The following SORBS2 variants were observed in gnomAD, a reference collection of about 807,000 sequenced individuals.
The protein encoded by SORBS2 is sorbin and SH3 domain-containing protein 2.
In SORBS2, 46 loss-of-function variants were observed where a neutral mutation model predicts 97.7. The observed-to-expected ratio is 0.47, with a 90% confidence interval of 0.37 to 0.60. The LOEUF (loss-of-function observed/expected upper bound fraction) is 0.60. Among genes scored for constraint, SORBS2 ranks in the 20% least tolerant of loss-of-function variants. The pLI is 0.00. For missense variants in SORBS2, 1,316 were observed against 1,282.3 expected, an observed-to-expected ratio of 1.03 and a Z score of -0.40; for synonymous variants, 476 against 473.4, an observed-to-expected ratio of 1.01 and a Z score of -0.07.
At chr4:185,695,162 T>C (rs539977553) in intron 2 of SORBS2, among the ~76,000 whole-genome samples, 1 of 152,316 alleles carries the variant, frequency 6.6e-6, no homozygotes, top group African/African-American at 2.4e-5. Context: ...AACATGCCTT[T>C]GTGCCTGTTG....
At chr4:185,767,914 C>T (rs1161596625) in intron 2 of SORBS2, among the ~76,000 whole-genome samples, 1 of 152,170 alleles carries the variant, frequency 6.6e-6, no homozygotes, top group Non-Finnish European at 1.5e-5. Flanking sequence ...TTGCATGGGA[C>T]CTAAATATTC....
chr4:185,929,201 G>A (rs1427354782), intron 1 of SORBS2, among the ~76,000 whole-genome samples: 3 of 152,154 alleles, frequency 2.0e-5, no homozygotes, highest in Admixed American at 6.5e-5. Context: ...TTCCTGGGCA[G>A]CACCTCACAA....
Position 185,623,982 on chromosome 4 carries a change from G to T in SORBS2, c.1147C>A (p.Gln383Lys), listed in dbSNP as rs771693320. 2 of 1,614,198 alleles carry T rather than the reference G, an allele frequency of 1.2e-6. No individual in the cohort carries two copies. Among genetic ancestry groups the T allele is most frequent in the South Asian group, 1.1e-5 (1 of 91,082 alleles). ...TTGTGCTGCTGCTCGCTCTCGTACT[G>T]CAGAATCCTGGACTTCACGGAGCAG... is the stretch of plus-strand genomic sequence containing the variant. Residue 383 changes from glutamine (Q) to lysine (K), a missense_variant, in exon 7 of 15, where the codon CAG (glutamine) becomes AAG (lysine). Physicochemically the swap from Gln to Lys is moderately conservative, Grantham distance 53 (BLOSUM62 1). Transcript: ENST00000418609. This position sits in a 1 kb window ranked among gnomAD's most constrained non-coding sequence, Gnocchi z 6.4.
chr4:185,916,343 A>T (rs189442193), intron 1 of SORBS2, among the ~76,000 whole-genome samples: 214 of 152,338 alleles, frequency 1.4e-3, no homozygotes, highest in South Asian at 4.6e-3. Flanking sequence ...GGCAGCAACC[A>T]GAAGTTAGAG....
intron 1 of SORBS2, among the ~76,000 whole-genome samples, chr4:185,948,599 C>A (rs913193363): frequency 6.9e-6 from 1 of 144,752 alleles, no homozygotes; most frequent in Non-Finnish European, 1.5e-5. Context: ...CTTACTGCAA[C>A]CTCTGCCTCC....
Position 185,607,318 on chromosome 4 carries a change from G to A in SORBS2, c.2796+4462C>T. ...ATCTGAGCCAGGTGAGACTTTGTGG[G>A]TGGGAGGAGGGGCTGGTTCACTGGA... On this transcript the variant is annotated intron_variant, in intron 12 of 14. Transcript: ENST00000418609. The surrounding 1 kb of genome is among the most constrained non-coding windows in gnomAD (Gnocchi z 5.2). 1 of 1,287,052 alleles carries A rather than the reference G, an allele frequency of 7.8e-7. No homozygotes were observed. The highest frequency in any genetic ancestry group is 1.0e-6 in the Non-Finnish European group (1 of 987,526). 79.7% of individuals were successfully genotyped at this position (1,287,052 alleles called of 1,614,324 possible).
chr4:185,789,140 G>A (rs2099069398), intron 1 of SORBS2, among the ~76,000 whole-genome samples: 1 of 152,156 alleles, frequency 6.6e-6, no homozygotes, highest in South Asian at 2.1e-4. Flanking sequence ...TGTTTGGGAT[G>A]TTTATACTCT....
exon 7 of SORBS2, chr4:185,624,196 G>A (rs200242655): frequency 1.9e-6 from 3 of 1,614,194 alleles, no homozygotes; most frequent in East Asian, 2.2e-5. Context: ...CACATAACAG[G>A]GAGCCCATGC....
At chr4:185,762,173 T>C (rs79232484) in intron 2 of SORBS2, among the ~76,000 whole-genome samples, 1,824 of 152,202 alleles carry the variant, frequency 0.012, 44 homozygotes, top group African/African-American at 0.042. Flanking sequence ...ACTAAGTTGG[T>C]ATGAAGAAAA....
intron 2 of SORBS2, among the ~76,000 whole-genome samples, chr4:185,731,755 T>C (rs1472151298): frequency 9.4e-6 from 1 of 105,864 alleles, no homozygotes; most frequent in East Asian, 3.4e-4. Flanking sequence ...TCCCTATCTC[T>C]CTCCCTCCCT....
intron 1 of SORBS2, among the ~76,000 whole-genome samples, chr4:185,879,934 G>A (rs1357173238): frequency 1.3e-5 from 2 of 152,180 alleles, no homozygotes; most frequent in Admixed American, 1.3e-4. Flanking sequence ...ACGGTGACAC[G>A]TACAGCAGAT....
intron 4 of SORBS2, 25 bp from the exon 14 acceptor site, chr4:185,639,060 C>G: frequency 6.7e-7 from 1 of 1,500,788 alleles, no homozygotes; most frequent in Non-Finnish European, 8.9e-7. Context: ...GGTGCAGAAA[C>G]TGGTTCATTA....
intron 4 of SORBS2, among the ~76,000 whole-genome samples, chr4:185,667,135 T>C (rs2097619637): frequency 6.6e-6 from 1 of 152,184 alleles, no homozygotes; most frequent in African/African-American, 2.4e-5. Flanking sequence ...TTTTCTTACT[T>C]ATTTTTTCTA....
At chr4:185,626,924 G>T in exon 6 of SORBS2, 2 of 1,614,194 alleles carry the variant, frequency 1.2e-6, no homozygotes, top group Admixed American at 1.7e-5. Context: ...GCCTGGGCTA[G>T]TCCTGCTCGC....
At chr4:185,852,723 C>T (rs903475487) in intron 1 of SORBS2, among the ~76,000 whole-genome samples, 11 of 152,126 alleles carry the variant, frequency 7.2e-5, no homozygotes, top group Admixed American at 2.6e-4. Flanking sequence ...TTCAGTAGAG[C>T]GGGCTTCTCA....
At chr4:185,815,834 G>A (rs1316009485) in intron 1 of SORBS2, among the ~76,000 whole-genome samples, 1 of 152,100 alleles carries the variant, frequency 6.6e-6, no homozygotes, top group African/African-American at 2.4e-5. Flanking sequence ...AATATTTTCA[G>A]TTTATTTTAC....
At position 185,952,943 on chromosome 4, in the gene SORBS2, A is replaced by C. The variant is rs575887660; in HGVS notation, c.-338+3253T>G. On this transcript the variant is annotated intron_variant, in intron 1 of 20. Coordinates refer to the SORBS2 transcript ENST00000284776. The stretch of plus-strand genomic sequence containing the variant: ...ACATTCCCATTAAGGTTACAGCCTG[A>C]GCTTCGAACTTCATTTTGGCCCACA... Among the ~76,000 whole-genome samples the C allele has an allele frequency of 3.3e-5, 5 of 152,322 alleles. No homozygotes were observed. In the East Asian group the frequency reaches 9.6e-4, roughly 29 times the overall value.
At position 185,717,283 on chromosome 4, in the gene SORBS2, CA is replaced by C. The variant is rs372270140; in HGVS notation, c.-197-38462del. ...TTATAGGGCATAACCCTGCCACTGTCAAAATGCCAGAAGAAAAGGGCAGTGA... is the reference window on the plus strand; with the variant it reads ...TTATAGGGCATAACCCTGCCACTGTCAAATGCCAGAAGAAAAGGGCAGTGA... On this transcript the variant is annotated intron_variant, in intron 2 of 20. Coordinates refer to the SORBS2 transcript ENST00000284776. Among the ~76,000 whole-genome samples, 480 of 152,266 alleles carry C rather than the reference CA, an allele frequency of 3.2e-3. 2 individuals carry two copies. The highest frequency in any genetic ancestry group is 0.011 in the African/African-American group (462 of 41,540).
intron 2 of SORBS2, among the ~76,000 whole-genome samples, chr4:185,758,678 A>C: frequency 6.7e-6 from 1 of 149,710 alleles, no homozygotes; most frequent in South Asian, 2.1e-4. Context: ...CTTACCACCT[A>C]CTCCCTTCAG....
Sources: allele counts gnomAD v4.1 joint callset (sites outside exome capture counted in the v4.1 genomes callset), GRCh38; gene constraint gnomAD v4.1.1; non-coding constraint Gnocchi (gnomAD v3.1); transcripts MANE v1.5; gene names NCBI Gene and HGNC (gene_info 2026-07-23, HGNC 2026-07-21).